GPC6: variants seen among roughly 807,000 people sequenced by gnomAD.
The protein encoded by GPC6 is glypican 6.
In GPC6, 14 loss-of-function variants were observed where a neutral mutation model predicts 55.2. That is an observed-to-expected ratio of 0.25 (90% CI 0.17 to 0.40). The LOEUF is 0.40. Among genes scored for constraint, GPC6 ranks in the 10% least tolerant of loss-of-function variants. The pLI is 1.00. For missense variants in GPC6, 641 were observed against 708.5 expected, an observed-to-expected ratio of 0.90 and a Z score of 1.08; for synonymous variants, 278 against 259.6, an observed-to-expected ratio of 1.07 and a Z score of -0.68.
At chr13:93,675,790 T>G (rs543087637) in intron 2 of GPC6, among the ~76,000 whole-genome samples, 33 of 152,174 alleles carry the variant, frequency 2.2e-4, no homozygotes, top group African/African-American at 7.5e-4. Flanking sequence ...AAACTAGAGA[T>G]AGAGTGCTTT....
intron 1 of GPC6, among the ~76,000 whole-genome samples, chr13:93,333,134 T>C (rs1879912760): frequency 6.6e-6 from 1 of 152,184 alleles, no homozygotes; most frequent in South Asian, 2.1e-4. Context: ...TCAGGTAGTG[T>C]GATGTCTCCA....
At chr13:93,874,071 A>T (rs754906136) in intron 3 of GPC6, among the ~76,000 whole-genome samples, 2 of 151,932 alleles carry the variant, frequency 1.3e-5, no homozygotes, top group Non-Finnish European at 2.9e-5. Context: ...CTTTTATTAT[A>T]GCTTCAGGGG....
chr13:93,821,699 A>G (rs890585438), intron 2 of GPC6, among the ~76,000 whole-genome samples: 1 of 152,226 alleles, frequency 6.6e-6, no homozygotes, highest in Non-Finnish European at 1.5e-5. Context: ...ATCTCACAGT[A>G]GATGTACTAT....
chr13:93,280,096 G>C (rs1279036042), intron 1 of GPC6, among the ~76,000 whole-genome samples: 1 of 152,112 alleles, frequency 6.6e-6, no homozygotes, highest in African/African-American at 2.4e-5. Context: ...TCACCTGAAG[G>C]CATTTTTTCA....
chr13:94,311,598 C>A (rs763618681), intron 6 of GPC6, among the ~76,000 whole-genome samples: 6 of 152,210 alleles, frequency 3.9e-5, no homozygotes, highest in African/African-American at 1.2e-4. Flanking sequence ...AACTGTTTGG[C>A]CTTAAATCCA....
At chr13:93,232,855 TA>T (rs1876107716) in intron 1 of GPC6, among the ~76,000 whole-genome samples, 1 of 152,142 alleles carries the variant, frequency 6.6e-6, no homozygotes, top group Non-Finnish European at 1.5e-5. Context: ...GTAAACATTA[TA>T]ATAAATTAAT....
chr13:93,673,508 T>C (rs1881459039), intron 2 of GPC6, among the ~76,000 whole-genome samples: 1 of 152,050 alleles, frequency 6.6e-6, no homozygotes, highest in Non-Finnish European at 1.5e-5. Context: ...AGTATATATA[T>C]ATGGCTTTAA....
intron 4 of GPC6, among the ~76,000 whole-genome samples, chr13:94,192,559 C>T (rs945425327): frequency 2.6e-5 from 4 of 152,192 alleles, no homozygotes; most frequent in Non-Finnish European, 5.9e-5. Context: ...AAATATGAGC[C>T]TGCATTTCCC....
At chr13:93,321,791 A>G (rs540178901) in intron 1 of GPC6, among the ~76,000 whole-genome samples, 1 of 152,290 alleles carries the variant, frequency 6.6e-6, no homozygotes, top group Admixed American at 6.5e-5. Context: ...CTAGACAACA[A>G]AATACAAGTT....
At chr13:93,936,693 A>G (rs1471335463) in intron 3 of GPC6, among the ~76,000 whole-genome samples, 4 of 152,202 alleles carry the variant, frequency 2.6e-5, no homozygotes, top group African/African-American at 7.2e-5. Context: ...ACTTATCCCA[A>G]TGCATTAAAG....
At chr13:94,057,424 G>T (rs1884168320) in intron 4 of GPC6, among the ~76,000 whole-genome samples, 1 of 152,114 alleles carries the variant, frequency 6.6e-6, no homozygotes, top group Non-Finnish European at 1.5e-5. Flanking sequence ...CGAAATATTT[G>T]AAAATCTGTG....
intron 4 of GPC6, among the ~76,000 whole-genome samples, chr13:94,159,444 A>G (rs1888078172): frequency 6.6e-6 from 1 of 152,212 alleles, no homozygotes; most frequent in Admixed American, 6.6e-5. Context: ...AGCAGCAGGC[A>G]AGAGAGAATG....
chr13:94,361,820 T>C (rs1879072186), intron 6 of GPC6, among the ~76,000 whole-genome samples: 1 of 152,348 alleles, frequency 6.6e-6, no homozygotes, highest in South Asian at 2.1e-4. Context: ...GCAAAATCAC[T>C]TGGGAAAGGT....
intron 4 of GPC6, among the ~76,000 whole-genome samples, chr13:94,259,317 A>T (rs567015507): frequency 1.8e-4 from 27 of 152,294 alleles, no homozygotes; most frequent in African/African-American, 6.5e-4. Flanking sequence ...ACCAGAATTT[A>T]TCTGGGCTGA....
At chr13:94,396,308 G>T (rs140037512) in intron 7 of GPC6, among the ~76,000 whole-genome samples, 37 of 152,230 alleles carry the variant, frequency 2.4e-4, no homozygotes, top group African/African-American at 8.7e-4. Context: ...TTAGAAAAAC[G>T]CACCCAGATG....
chr13:93,996,695 C>T (rs1881571412), intron 3 of GPC6, among the ~76,000 whole-genome samples: 1 of 152,120 alleles, frequency 6.6e-6, no homozygotes, highest in South Asian at 2.1e-4. Context: ...TCCATGGCAA[C>T]TGGTCTGAGA....
At position 93,576,560 on chromosome 13, in the gene GPC6, TTTCTC is replaced by T. The variant is rs200493139; in HGVS notation, c.319+31141_319+31145del. ...ATAAAATGGAAAGTAAATATTGTCT[TTTCTC>T]TATCTTGGTTGATTGAAATTTGCCT... On this transcript the variant is annotated intron_variant, in intron 2 of 8. Coordinates refer to ENST00000377047, the MANE Select transcript of GPC6 (RefSeq NM_005708.5). Among the ~76,000 whole-genome samples the T allele has an allele frequency of 4.3e-3, 658 of 152,266 alleles. 3 individuals carry two copies. The highest frequency in any genetic ancestry group is 0.02 in the Middle Eastern group (6 of 294).
intron 4 of GPC6, among the ~76,000 whole-genome samples, chr13:94,259,006 A>C (rs558335177): frequency 3.3e-5 from 5 of 150,858 alleles, no homozygotes; most frequent in African/African-American, 1.2e-4. Flanking sequence ...AACTGGAAAC[A>C]TTTCCCAGAA....
At chr13:94,246,810 T>C (rs937995079) in intron 4 of GPC6, among the ~76,000 whole-genome samples, 2 of 152,092 alleles carry the variant, frequency 1.3e-5, no homozygotes, top group African/African-American at 2.4e-5. Flanking sequence ...CCTCCAACTT[T>C]GGGTTTTTTT....
Sources: gnomAD v4.1 joint callset for allele counts (sites outside exome capture counted in the v4.1 genomes callset) on GRCh38, gnomAD v4.1.1 for gene constraint, MANE v1.5 for transcripts, NCBI Gene and HGNC (gene_info 2026-07-23, HGNC 2026-07-21) for gene names.